ACAP2: variants seen among roughly 807,000 people sequenced by gnomAD.
ACAP2 encodes ArfGAP with coiled-coil, ankyrin repeat and PH domains 2.
Under a neutral mutation model 115.8 loss-of-function variants are expected in ACAP2, and 39 were observed. The ratio of observed to expected loss-of-function variants is 0.34; its 90% CI spans 0.26 to 0.44. ACAP2 has a LOEUF of 0.44. Among genes scored for constraint, ACAP2 ranks in the 20% least tolerant of loss-of-function variants. The pLI, the probability that ACAP2 is intolerant of heterozygous loss-of-function variation, is 1.00. For synonymous variants in ACAP2, 289 were observed against 315.8 expected (o/e 0.92, Z 0.90); for missense variants, 662 against 927.6 (o/e 0.71, Z 3.72).
intron 1 of ACAP2, among the ~76,000 whole-genome samples, chr3:195,401,213 C>A (rs1253650667): frequency 1.3e-5 from 2 of 152,178 alleles, no homozygotes; most frequent in African/African-American, 4.8e-5. Context: ...CCACGACATA[C>A]CACAGGCTGC....
At chr3:195,381,412 C>A (rs917575505) in intron 3 of ACAP2, among the ~76,000 whole-genome samples, 1 of 152,142 alleles carries the variant, frequency 6.6e-6, no homozygotes, top group African/African-American at 2.4e-5. Flanking sequence ...ACACCCATTT[C>A]TTCACCAGTT....
At chr3:195,436,826 G>A (rs1402359390) in intron 1 of ACAP2, among the ~76,000 whole-genome samples, 1 of 152,118 alleles carries the variant, frequency 6.6e-6, no homozygotes, top group Admixed American at 6.5e-5. Context: ...TTTTAAAGGT[G>A]TTAGAACAAG....
Position 195,307,250 on chromosome 3 carries a change from A to C in ACAP2, c.983T>G (p.Phe328Cys). The C allele has an allele frequency of 1.2e-6, 2 of 1,613,566 alleles. No individual in the cohort carries two copies. Among genetic ancestry groups the C allele is most frequent in the Non-Finnish European group, 1.7e-6 (2 of 1,179,612 alleles). ...VKHCEDIERR[F>C]CFEVVSPTKS... ...TGTTGGCGAGACCACCTCAAAGCAG[A>C]ATCGTCGCTCTATGTCTTCACAATG... is the stretch of plus-strand genomic sequence containing the variant. The change falls in exon 12 of 23, where the codon TTC becomes TGC. Residue 328 changes from phenylalanine to cysteine, a missense_variant. By Grantham distance (205) the Phe-to-Cys change is radical (BLOSUM62 -2). Transcript: ENST00000326793.
chr3:195,313,397 G>A (rs1577282864), intron 10 of ACAP2, among the ~76,000 whole-genome samples: 1 of 152,144 alleles, frequency 6.6e-6, no homozygotes, highest in South Asian at 2.1e-4. Flanking sequence ...TGTAGGAATT[G>A]CCTGTATAAA....
At chr3:195,330,707 T>C (rs1178443582) in intron 8 of ACAP2, among the ~76,000 whole-genome samples, 1 of 152,196 alleles carries the variant, frequency 6.6e-6, no homozygotes, top group Non-Finnish European at 1.5e-5. Flanking sequence ...TCCTTAACAA[T>C]GGAACCCCTA....
At chr3:195,345,372 T>C in intron 4 of ACAP2, 55 bp from the exon 5 acceptor site, 1 of 1,126,734 alleles carries the variant, frequency 8.9e-7, no homozygotes, top group Non-Finnish European at 1.3e-6. Context: ...AATAATTTTC[T>C]TATCGTGCTA....
intron 4 of ACAP2, among the ~76,000 whole-genome samples, chr3:195,380,363 A>C (rs1343147100): frequency 1.3e-5 from 2 of 152,230 alleles, no homozygotes; most frequent in African/African-American, 4.8e-5. Context: ...CTGGCTAATA[A>C]ATTTTAAAGC....
chr3:195,295,087 C>T (rs1276533981), intron 17 of ACAP2: 1 of 504,864 alleles, frequency 2.0e-6, no homozygotes, highest in Admixed American at 3.3e-5. Flanking sequence ...TATTATATGA[C>T]TGTAAGTAAC....
chr3:195,330,167 A>G (rs1313623115), intron 8 of ACAP2, among the ~76,000 whole-genome samples: 1 of 152,168 alleles, frequency 6.6e-6, no homozygotes, highest in Admixed American at 6.5e-5. Context: ...TCACAAATCA[A>G]TATATTTAAG....
intron 6 of ACAP2, among the ~76,000 whole-genome samples, chr3:195,339,326 C>G (rs904889355): frequency 2.0e-5 from 3 of 152,004 alleles, no homozygotes; most frequent in African/African-American, 7.2e-5. Flanking sequence ...TTCAAATGCT[C>G]TAAGTAAAGA....
intron 1 of ACAP2, 115 bp from the exon 2 acceptor site, chr3:195,392,262 A>G: frequency 1.3e-6 from 1 of 766,346 alleles, no homozygotes; most frequent in Non-Finnish European, 2.1e-6. Flanking sequence ...TACACTTCAC[A>G]TGAAGTAATA....
chr3:195,356,576 G>A (rs7651757), intron 4 of ACAP2, among the ~76,000 whole-genome samples: 69,225 of 151,790 alleles, frequency 0.46, 17,310 homozygotes, highest in Middle Eastern at 0.67. Context: ...AAGAGATTCC[G>A]TCCTTCTCCT....
At chr3:195,381,130 A>G in intron 3 of ACAP2, 68 bp from the exon 4 acceptor site, 1 of 1,195,174 alleles carries the variant, frequency 8.4e-7, no homozygotes. Context: ...CAAAAATGTG[A>G]CCTCAGAATT....
intron 22 of ACAP2, among the ~76,000 whole-genome samples, chr3:195,284,658 G>T (rs1018386934): frequency 3.9e-5 from 6 of 152,120 alleles, no homozygotes; most frequent in Admixed American, 6.6e-5. Context: ...AAAATAAATG[G>T]CTGAAGTACA....
At chr3:195,305,265 A>G (rs1728347448) in intron 13 of ACAP2, among the ~76,000 whole-genome samples, 1 of 152,228 alleles carries the variant, frequency 6.6e-6, no homozygotes, top group Admixed American at 6.5e-5. Context: ...CAAAAATAAG[A>G]AAATCATAAT....
At chr3:195,381,208 T>C in intron 3 of ACAP2, 146 bp from the exon 4 acceptor site, 2 of 639,864 alleles carry the variant, frequency 3.1e-6, no homozygotes, top group Non-Finnish European at 2.7e-6. Flanking sequence ...CACACTACCT[T>C]ATGGGTACAC....
intron 1 of ACAP2, among the ~76,000 whole-genome samples, chr3:195,426,208 C>G (rs554149376): frequency 3.3e-5 from 5 of 152,150 alleles, no homozygotes; most frequent in Non-Finnish European, 7.3e-5. Context: ...CTCCTTTCTC[C>G]CTGAGGCTTT....
chr3:195,354,001 C>A (rs567977573), intron 4 of ACAP2, among the ~76,000 whole-genome samples: 2 of 152,284 alleles, frequency 1.3e-5, no homozygotes, highest in African/African-American at 4.8e-5. Flanking sequence ...TACCCTCCCA[C>A]TCCAATAAGC....
At chr3:195,400,230 A>G (rs760091808) in intron 1 of ACAP2, among the ~76,000 whole-genome samples, 21 of 150,402 alleles carry the variant, frequency 1.4e-4, no homozygotes, top group South Asian at 8.4e-4. Flanking sequence ...ATGTGTGTGT[A>G]TATATATATA....
Sources: gnomAD v4.1 joint callset for allele counts (sites outside exome capture counted in the v4.1 genomes callset) on GRCh38, gnomAD v4.1.1 for gene constraint, MANE v1.5 for transcripts, NCBI Gene and HGNC (gene_info 2026-07-23, HGNC 2026-07-21) for gene names.